Variants in CCDC198 observed in about 807,000 individuals in gnomAD.
CCDC198 encodes factor associated with metabolism and energy.
In CCDC198, 18 loss-of-function variants were observed where a neutral mutation model predicts 35.6. That is an observed-to-expected ratio of 0.51 (90% CI 0.35 to 0.75). CCDC198 has a LOEUF of 0.75. CCDC198 is among the 30% of genes least tolerant of loss of function. The pLI, the probability that CCDC198 is intolerant of heterozygous loss-of-function variation, is 0.01. For missense variants in CCDC198, 365 were observed against 343.7 expected, an observed-to-expected ratio of 1.06 and a Z score of -0.49; for synonymous variants, 119 against 113.4, an observed-to-expected ratio of 1.05 and a Z score of -0.31.
Position 57,491,016 on chromosome 14 carries a change from A to C in CCDC198, c.279T>G (p.Ile93Met). The C allele has an allele frequency of 6.2e-7, 1 of 1,607,628 alleles. No homozygotes were observed. The highest frequency in any genetic ancestry group is 8.5e-7 in the Non-Finnish European group (1 of 1,174,616). The change falls in exon 2 of 6, where the codon ATT becomes ATG. Residue 93 changes from isoleucine to methionine, a missense_variant. Transcript: ENST00000216445. ...IPLEHRETSI[I>M]KRHPPQRLQK... Reference sequence around the variant, plus strand: ...GAAGTCTTTGGGGTGGATGCCTTTTAATAATACTTGTTTCTCTGTGTTCCA... The same window carrying C: ...GAAGTCTTTGGGGTGGATGCCTTTTCATAATACTTGTTTCTCTGTGTTCCA...
chr14:57,482,372 AG>A (rs1188137947), intron 3 of CCDC198, among the ~76,000 whole-genome samples: 2 of 152,130 alleles, frequency 1.3e-5, no homozygotes, highest in East Asian at 3.9e-4. Flanking sequence ...AACCTCAGGG[AG>A]GGGCCATCTC....
chr14:57,485,826 T>C (rs2067340783), intron 2 of CCDC198, among the ~76,000 whole-genome samples: 1 of 152,166 alleles, frequency 6.6e-6, no homozygotes, highest in African/African-American at 2.4e-5. Flanking sequence ...TAATTTGCAT[T>C]TGTGGTGGGA....
chr14:57,483,660 A>G (rs1474795779), intron 2 of CCDC198, among the ~76,000 whole-genome samples: 1 of 152,120 alleles, frequency 6.6e-6, no homozygotes, highest in Non-Finnish European at 1.5e-5. Context: ...CACATTTTAG[A>G]GATGTCCTTT....
At chr14:57,484,877 A>G (rs1313767632) in intron 2 of CCDC198, among the ~76,000 whole-genome samples, 1 of 152,168 alleles carries the variant, frequency 6.6e-6, no homozygotes, top group African/African-American at 2.4e-5. Context: ...CTAGGAAGGA[A>G]TAATTATGGA....
At chr14:57,492,612 A>T (rs979111591) in intron 1 of CCDC198, among the ~76,000 whole-genome samples, 1 of 152,024 alleles carries the variant, frequency 6.6e-6, no homozygotes, top group Non-Finnish European at 1.5e-5. Flanking sequence ...GAAACAACCA[A>T]ACGTTATCAA....
At chr14:57,472,422 T>G (rs769935768) in intron 5 of CCDC198, among the ~76,000 whole-genome samples, 4 of 152,220 alleles carry the variant, frequency 2.6e-5, no homozygotes, top group South Asian at 4.1e-4. Context: ...TCAGCTTACC[T>G]TATTATTTCC....
intron 3 of CCDC198, among the ~76,000 whole-genome samples, 167 bp downstream of exon 3, chr14:57,482,898 G>A (rs942778941): frequency 6.6e-6 from 1 of 152,182 alleles, no homozygotes; most frequent in African/African-American, 2.4e-5. Context: ...GCACAGAAGA[G>A]AATAAATAGC....
chr14:57,483,282 G>T, intron 2 of CCDC198, 131 bp from the exon 3 acceptor site: 1 of 1,338,208 alleles, frequency 7.5e-7, no homozygotes, highest in Non-Finnish European at 1.0e-6. Flanking sequence ...CAGGAAAGGT[G>T]ATTCTAACAG....
At chr14:57,481,458 T>A (rs1023791509) in intron 4 of CCDC198, 101 bp downstream of exon 4, 19 of 770,536 alleles carry the variant, frequency 2.5e-5, no homozygotes, top group Non-Finnish European at 4.0e-5. Flanking sequence ...AAATTTAAAA[T>A]GCTAAGTAAA....
chr14:57,492,889 C>A (rs934568129), intron 1 of CCDC198, among the ~76,000 whole-genome samples: 26 of 152,028 alleles, frequency 1.7e-4, no homozygotes, highest in Admixed American at 6.6e-4. Flanking sequence ...GATTTATGGC[C>A]ACTTCAGGCT....
chr14:57,478,742 A>G (rs886534647), intron 5 of CCDC198: 1 of 1,060,186 alleles, frequency 9.4e-7, no homozygotes. Context: ...TCATTCTGAG[A>G]CTTGGAAGTA....
chr14:57,469,619 A>G lies in CCDC198; in HGVS notation c.*1736T>C, dbSNP rs2066781632. The stretch of plus-strand genomic sequence containing the variant: ...TCCTCTCAAGGATCTCATTTTTTCT[A>G]GAAAGCTGGCTAGTCAAACAATGCA... On this transcript the variant is annotated 3_prime_UTR_variant, in exon 6 of 6. Coordinates refer to ENST00000216445, the MANE Select transcript of CCDC198 (RefSeq NM_018168.4). The G allele has an allele frequency of 1.3e-5, 2 of 152,160 alleles. No individual in the cohort carries two copies. The highest frequency in any genetic ancestry group is 2.4e-5 in the African/African-American group (1 of 41,428). 9.4% of individuals were successfully genotyped at this position (152,160 alleles called of 1,614,324 possible).
chr14:57,488,550 T>G (rs536031485), intron 2 of CCDC198, among the ~76,000 whole-genome samples: 1 of 152,234 alleles, frequency 6.6e-6, no homozygotes, highest in South Asian at 2.1e-4. Context: ...TAAGTATTAA[T>G]GGCTGAAGAC....
chr14:57,475,013 G>T (rs1279175542), intron 5 of CCDC198, among the ~76,000 whole-genome samples: 3 of 152,174 alleles, frequency 2.0e-5, no homozygotes, highest in African/African-American at 7.2e-5. Flanking sequence ...TGTAATCCCA[G>T]CACTTTGGGA....
intron 2 of CCDC198, chr14:57,483,361 C>T (rs780851519): frequency 8.3e-6 from 5 of 601,842 alleles, no homozygotes; most frequent in East Asian, 3.2e-5. Context: ...AGTGCACTGT[C>T]GACAGTGCCT....
intron 2 of CCDC198, among the ~76,000 whole-genome samples, chr14:57,484,724 G>T (rs1033028821): frequency 3.3e-5 from 5 of 152,218 alleles, no homozygotes; most frequent in African/African-American, 9.6e-5. Context: ...GGTGAGGCAG[G>T]GGCCAGGTCA....
At chr14:57,480,449 T>C in intron 5 of CCDC198, 146 bp downstream of exon 5, 5 of 1,189,150 alleles carry the variant, frequency 4.2e-6, no homozygotes, top group Non-Finnish European at 5.8e-6. Context: ...CATGACAACA[T>C]GCCCACTATA....
intron 2 of CCDC198, chr14:57,483,362 G>A (rs533394563): frequency 2.0e-4 from 119 of 602,970 alleles, no homozygotes; most frequent in East Asian, 8.2e-4. Context: ...GTGCACTGTC[G>A]ACAGTGCCTT....
At chr14:57,478,504 A>G in intron 5 of CCDC198, 1 of 986,770 alleles carries the variant, frequency 1.0e-6, no homozygotes, top group Non-Finnish European at 1.2e-6. Context: ...AAGCATCAGG[A>G]GAGCAGAGGA....
Sources: gnomAD v4.1 joint callset for allele counts (sites outside exome capture counted in the v4.1 genomes callset) on GRCh38, gnomAD v4.1.1 for gene constraint, MANE v1.5 for transcripts, NCBI Gene and HGNC (gene_info 2026-07-23, HGNC 2026-07-21) for gene names.